The following SVIL variants were observed in gnomAD, a reference collection of about 807,000 sequenced individuals.
The protein encoded by SVIL is archvillin.
Under a neutral mutation model 240.4 loss-of-function variants are expected in SVIL, and 101 were observed. The ratio of observed to expected loss-of-function variants is 0.42; its 90% CI spans 0.36 to 0.50. The LOEUF is 0.50. SVIL is among the 20% of genes least tolerant of loss of function. The pLI, the probability that SVIL is intolerant of heterozygous loss-of-function variation, is 0.01. For missense variants in SVIL, 2,512 were observed against 2,818.7 expected, an observed-to-expected ratio of 0.89 and a Z score of 2.46; for synonymous variants, 999 against 1,100.0, an observed-to-expected ratio of 0.91 and a Z score of 1.82.
intron 21 of SVIL, among the ~76,000 whole-genome samples, chr10:29,491,960 G>A (rs1465305017): frequency 1.3e-5 from 2 of 152,186 alleles, no homozygotes; most frequent in African/African-American, 4.8e-5. Context: ...GAAACAAATT[G>A]AGCAAACTGG....
intron 3 of SVIL, among the ~76,000 whole-genome samples, chr10:29,558,958 T>C (rs1954200178): frequency 6.7e-6 from 1 of 148,334 alleles, no homozygotes; most frequent in South Asian, 2.1e-4. Flanking sequence ...AAAAATATGG[T>C]TTATATTATA....
intron 23 of SVIL, among the ~76,000 whole-genome samples, chr10:29,487,917 C>A (rs1486979272): frequency 6.6e-6 from 1 of 152,172 alleles, no homozygotes; most frequent in African/African-American, 2.4e-5. Flanking sequence ...TAAATACACA[C>A]AATAGGATAG....
At chr10:29,491,642 T>A (rs1341647939) in intron 21 of SVIL, among the ~76,000 whole-genome samples, 1 of 152,030 alleles carries the variant, frequency 6.6e-6, no homozygotes, top group African/African-American at 2.4e-5. Flanking sequence ...TTCTTTGGGG[T>A]GGAAAACCAG....
chr10:29,499,814 G>A (rs181594327), intron 17 of SVIL, among the ~76,000 whole-genome samples: 12 of 151,946 alleles, frequency 7.9e-5, no homozygotes, highest in African/African-American at 1.5e-4. Flanking sequence ...GATGTTCTGC[G>A]GGCAGGTAGA....
At position 29,499,100 on chromosome 10, in the gene SVIL, A is replaced by ACACACATACACATGTG. The variant is rs1564522774; in HGVS notation, c.3664+15_3664+16insCACATGTGTATGTGTG. ...CATTGTGCACACACCACACACATGG[A>ACACACATACACATGTG]CACACACACACTGACCTTTCTTCAC... is the stretch of plus-strand genomic sequence containing the variant. On this transcript the variant is annotated intron_variant, in intron 18 of 37. Coordinates refer to ENST00000355867, the MANE Select transcript of SVIL (RefSeq NM_021738.3). The ACACACATACACATGTG allele has an allele frequency of 6.2e-7, 1 of 1,606,254 alleles. No homozygotes were observed. The highest frequency in any genetic ancestry group is 1.3e-5 in the African/African-American group (1 of 74,494).
chr10:29,556,832 G>C (rs1031568106), intron 3 of SVIL, among the ~76,000 whole-genome samples: 1 of 152,108 alleles, frequency 6.6e-6, no homozygotes, highest in Non-Finnish European at 1.5e-5. Context: ...TGGCTGGTAG[G>C]ACATATTTTG....
At chr10:29,575,005 A>G (rs1002931426) in intron 1 of SVIL, among the ~76,000 whole-genome samples, 1 of 152,184 alleles carries the variant, frequency 6.6e-6, no homozygotes, top group Non-Finnish European at 1.5e-5. Context: ...AAAAAGAAGC[A>G]ATTGATTATT....
chr10:29,581,940 T>C (rs1955962083), intron 1 of SVIL, among the ~76,000 whole-genome samples: 1 of 152,238 alleles, frequency 6.6e-6, no homozygotes, highest in South Asian at 2.1e-4. Flanking sequence ...GAAGACATTA[T>C]GCTAAGTGAA....
intron 29 of SVIL, among the ~76,000 whole-genome samples, chr10:29,476,999 A>AT (rs1351618540): frequency 6.6e-6 from 1 of 151,866 alleles, no homozygotes; most frequent in Admixed American, 6.6e-5. Flanking sequence ...AGTAGCTGGG[A>AT]TTATAGGTGC....
At chr10:29,682,045 G>C (rs1960697248) in intron 2 of SVIL, among the ~76,000 whole-genome samples, 2 of 152,236 alleles carry the variant, frequency 1.3e-5, no homozygotes, top group Admixed American at 6.5e-5. Flanking sequence ...AGTTTCCTGG[G>C]AGGGGCTGGT....
chr10:29,477,073 C>T (rs980295464), intron 29 of SVIL, among the ~76,000 whole-genome samples: 62 of 152,238 alleles, frequency 4.1e-4, no homozygotes, highest in African/African-American at 1.4e-3. Flanking sequence ...CCATGTTGGC[C>T]AGGATAGTCT....
At chr10:29,628,445 T>C (rs1001816525) in intron 1 of SVIL, among the ~76,000 whole-genome samples, 1 of 152,232 alleles carries the variant, frequency 6.6e-6, no homozygotes, top group African/African-American at 2.4e-5. Flanking sequence ...AATATCAATA[T>C]GGTTTTTCTA....
chr10:29,711,221 G>A (rs1963252787), intron 1 of SVIL, among the ~76,000 whole-genome samples: 1 of 152,052 alleles, frequency 6.6e-6, no homozygotes, highest in Non-Finnish European at 1.5e-5. Context: ...ACAACATGGT[G>A]AAACCCTGTC....
intron 3 of SVIL, among the ~76,000 whole-genome samples, chr10:29,654,970 G>A (rs1174500582): frequency 1.3e-5 from 2 of 152,164 alleles, no homozygotes; most frequent in Non-Finnish European, 2.9e-5. Context: ...CCCACATGGA[G>A]GGTGGATCTT....
chr10:29,473,980 C>A lies in SVIL; in HGVS notation c.5387G>T (p.Arg1796Leu). The A allele has an allele frequency of 3.7e-6, 6 of 1,613,322 alleles. No homozygotes were observed. Among genetic ancestry groups the A allele is most frequent in the Non-Finnish European group, 5.1e-6 (6 of 1,179,886 alleles). The change falls in exon 30 of 38, where the codon CGC (arginine) becomes CTC (leucine). Residue 1796 changes from arginine to leucine, a missense_variant. This residue lies in a region of SVIL where 797 missense variants were observed against 925.3 expected (regional missense o/e 0.86). Coordinates refer to ENST00000355867, the MANE Select transcript of SVIL (RefSeq NM_021738.3). ...KFMVSTAVGS[R>L]QKGEHSVRAA... ...CCTCACCGAGTGCTCTCCCTTCTGG[C>A]GACTTCCCACTGCAAACACAGAATG... is the stretch of plus-strand genomic sequence containing the variant.
chr10:29,706,845 T>C (rs1252077114), intron 1 of SVIL, among the ~76,000 whole-genome samples: 3 of 152,196 alleles, frequency 2.0e-5, no homozygotes, highest in Non-Finnish European at 4.4e-5. Context: ...CTAGCTTCTG[T>C]TTTCTGCATA....
chr10:29,462,766 A>G (rs568624577), intron 35 of SVIL, among the ~76,000 whole-genome samples: 1 of 152,282 alleles, frequency 6.6e-6, no homozygotes, highest in South Asian at 2.1e-4. Flanking sequence ...AACTCCCATA[A>G]TGACTGACGG....
At chr10:29,556,940 C>T (rs1953987428) in intron 3 of SVIL, among the ~76,000 whole-genome samples, 1 of 152,160 alleles carries the variant, frequency 6.6e-6, no homozygotes, top group Non-Finnish European at 1.5e-5. Context: ...ACTCAAGAAG[C>T]TATCAAAACC....
chr10:29,527,236 A>C (rs1238626420), intron 12 of SVIL, among the ~76,000 whole-genome samples, 180 bp from the exon 13 acceptor site: 1 of 152,204 alleles, frequency 6.6e-6, no homozygotes, highest in African/African-American at 2.4e-5. Flanking sequence ...CAAACTCAGG[A>C]AATAAGAGAT....
Sources: allele counts gnomAD v4.1 joint callset (sites outside exome capture counted in the v4.1 genomes callset), GRCh38; gene constraint gnomAD v4.1.1; regional missense constraint gnomAD v4.1.1; transcripts MANE v1.5; gene names NCBI Gene and HGNC (gene_info 2026-07-23, HGNC 2026-07-21).